The following NFYC variants were observed in gnomAD, a reference collection of about 807,000 sequenced individuals.
The protein encoded by NFYC is CAAT box DNA-binding protein subunit C.
Under a neutral mutation model 53.1 loss-of-function variants are expected in NFYC, and 25 were observed. The ratio of observed to expected loss-of-function variants is 0.47; its 90% CI spans 0.34 to 0.66. NFYC has a LOEUF of 0.66. NFYC is among the 30% of genes least tolerant of loss of function. The probability of loss-of-function intolerance (pLI) is 0.01; values close to 1 mark genes in which losing one functional copy is unlikely to be tolerated. For synonymous variants in NFYC, 145 were observed against 152.6 expected, an observed-to-expected ratio of 0.95 and a Z score of 0.37; for missense variants, 260 against 422.7, an observed-to-expected ratio of 0.62 and a Z score of 3.38.
At chr1:40,704,520 A>ATTAC (rs1049400624) in intron 1 of NFYC, among the ~76,000 whole-genome samples, 4 of 152,194 alleles carry the variant, frequency 2.6e-5, no homozygotes, top group African/African-American at 9.7e-5. Flanking sequence ...AGAAAGCTAT[A>ATTAC]GTAAGAGTGA....
At chr1:40,707,439 C>T (rs1477855234) in intron 1 of NFYC, among the ~76,000 whole-genome samples, 5 of 149,028 alleles carry the variant, frequency 3.4e-5, no homozygotes, top group African/African-American at 9.9e-5. Flanking sequence ...AAGATCACGC[C>T]GCTGCACTCC....
intron 1 of NFYC, among the ~76,000 whole-genome samples, chr1:40,694,242 C>T (rs1314858146): frequency 6.6e-6 from 1 of 152,236 alleles, no homozygotes; most frequent in Non-Finnish European, 1.5e-5. Context: ...AGGCCTAGTG[C>T]TTTCTTCAGA....
intron 8 of NFYC, chr1:40,769,091 G>A (rs1646961667): frequency 2.4e-6 from 1 of 409,498 alleles, no homozygotes; most frequent in East Asian, 5.0e-5. Context: ...GTGGTTGAGG[G>A]AGTAGGCATT....
intron 3 of NFYC, 38 bp downstream of exon 3, chr1:40,747,643 C>G (rs1290908063): frequency 7.4e-7 from 1 of 1,355,972 alleles, no homozygotes; most frequent in East Asian, 2.3e-5. Flanking sequence ...CTTATTGAAG[C>G]TAAGTGATGG....
At chr1:40,697,446 A>G (rs1643209546) in intron 1 of NFYC, among the ~76,000 whole-genome samples, 1 of 152,206 alleles carries the variant, frequency 6.6e-6, no homozygotes, top group African/African-American at 2.4e-5. Flanking sequence ...TTTTGAATGC[A>G]CAAAGTAGTA....
Position 40,749,612 on chromosome 1 carries a change from G to T in NFYC, c.217G>T (p.Ala73Ser). 1 of 1,614,150 alleles carries T rather than the reference G, an allele frequency of 6.2e-7. No individual in the cohort carries two copies. The highest frequency in any genetic ancestry group is 1.1e-5 in the South Asian group (1 of 91,082). ...AGCGCCTGTACTCTTTGCCAAGGCA[G>T]CCCAGATTTTTATCACAGAGTTGAC... is the stretch of plus-strand genomic sequence containing the variant. Reference protein sequence around the residue: ...AEAPVLFAKAAQIFITELTLR... With the variant: ...AEAPVLFAKASQIFITELTLR... Residue 73 changes from alanine (A) to serine (S), a missense_variant, in exon 4 of 10, where the codon GCC becomes TCC. Ala to Ser is a moderately conservative substitution (Grantham distance 99). Transcript: ENST00000447388.
At chr1:40,747,393 C>T (rs1645670531) in intron 2 of NFYC, 141 bp from the exon 3 acceptor site, 1 of 568,234 alleles carries the variant, frequency 1.8e-6, no homozygotes, top group South Asian at 2.6e-5. Flanking sequence ...CTTGTATTTT[C>T]TTCATTTCAT....
At position 40,763,663 on chromosome 1, in the gene NFYC, A is replaced by G. The variant is rs1242185990; in HGVS notation, c.720+617A>G. 3.3e-5 allele frequency among the ~76,000 whole-genome samples: 5 copies of G among 152,106 alleles called. No individual in the cohort carries two copies. In the East Asian group the frequency reaches 9.6e-4, roughly 29 times the overall value. On this transcript the variant is annotated intron_variant, in intron 7 of 9. Coordinates refer to ENST00000447388, the MANE Select transcript of NFYC (RefSeq NM_014223.5). ...CGCCCAGCCCTCAGTACTTATTTAT[A>G]TATATGCGTGTGTGTGTTTGTTTTG...
At chr1:40,699,884 C>T (rs533257457) in intron 1 of NFYC, among the ~76,000 whole-genome samples, 1 of 152,328 alleles carries the variant, frequency 6.6e-6, no homozygotes, top group South Asian at 2.1e-4. Context: ...CCTTTCTTTA[C>T]TGCAGAATTA....
intron 1 of NFYC, among the ~76,000 whole-genome samples, chr1:40,721,249 T>G (rs182672543): frequency 2.0e-5 from 3 of 152,232 alleles, no homozygotes; most frequent in Non-Finnish European, 4.4e-5. Flanking sequence ...TTATCAATGC[T>G]ATTGCAGAAG....
chr1:40,693,063 C>T (rs1642923644), intron 1 of NFYC, among the ~76,000 whole-genome samples: 1 of 152,086 alleles, frequency 6.6e-6, no homozygotes, highest in Non-Finnish European at 1.5e-5. Context: ...GGGAGCTAGC[C>T]AGAAATTTTC....
intron 1 of NFYC, among the ~76,000 whole-genome samples, chr1:40,694,993 C>G (rs570199834): frequency 6.6e-6 from 1 of 152,296 alleles, no homozygotes; most frequent in Admixed American, 6.5e-5. Flanking sequence ...TGGCTCACGC[C>G]TCTAATCCCA....
Position 40,747,542 on chromosome 1 carries a change from C to G in NFYC, c.114C>G (p.Phe38Leu). The change falls in exon 3 of 10, where the codon TTC (phenylalanine) becomes TTG (leucine). Residue 38 changes from phenylalanine to leucine, a missense_variant. Phe to Leu is a conservative substitution (Grantham distance 22). Coordinates refer to ENST00000447388, the MANE Select transcript of NFYC (RefSeq NM_014223.5). ...EEIRNLTVKD[F>L]RVQELPLARI... is the part of the protein sequence containing the mutation. ...CTTGTTGTTCATTTCAGAAAGACTTCCGAGTGCAGGAACTCCCACTGGCTC... is the reference window on the plus strand; with the variant it reads ...CTTGTTGTTCATTTCAGAAAGACTTGCGAGTGCAGGAACTCCCACTGGCTC... 1 of 1,612,676 alleles carries G rather than the reference C, an allele frequency of 6.2e-7. No homozygotes were observed. The highest frequency in any genetic ancestry group is 1.6e-4 in the Middle Eastern group (1 of 6,062).
At chr1:40,703,191 ACTT>A (rs1372996557) in intron 1 of NFYC, among the ~76,000 whole-genome samples, 1 of 152,048 alleles carries the variant, frequency 6.6e-6, no homozygotes, top group African/African-American at 2.4e-5. Flanking sequence ...TCTGTCTTTT[ACTT>A]CTTAAAGAAT....
At chr1:40,706,231 G>A (rs1459485909) in intron 1 of NFYC, among the ~76,000 whole-genome samples, 1 of 151,742 alleles carries the variant, frequency 6.6e-6, no homozygotes, top group Non-Finnish European at 1.5e-5. Context: ...GTATGGCTAG[G>A]GACCAGTTTT....
chr1:40,743,350 CCG>C (rs1335613594), intron 2 of NFYC, among the ~76,000 whole-genome samples: 1 of 152,186 alleles, frequency 6.6e-6, no homozygotes, highest in Non-Finnish European at 1.5e-5. Flanking sequence ...CCCTATATTC[CCG>C]CACAGCAGAG....
intron 1 of NFYC, among the ~76,000 whole-genome samples, chr1:40,720,629 G>A (rs1644293922): frequency 6.6e-6 from 1 of 152,184 alleles, no homozygotes; most frequent in Admixed American, 6.5e-5. Flanking sequence ...CACTTTGGCA[G>A]GCCAAAGTGA....
intron 1 of NFYC, 122 bp downstream of exon 1, chr1:40,691,989 G>A (rs912723018): frequency 3.4e-6 from 1 of 295,924 alleles, no homozygotes; most frequent in Non-Finnish European, 6.7e-6. Context: ...CTGTAGCTCG[G>A]TCCGTCCTGC....
chr1:40,691,710 G>C lies in NFYC; in HGVS notation c.-166G>C, dbSNP rs1261108125. The C allele has an allele frequency of 2.2e-6, 1 of 453,802 alleles. No individual in the cohort carries two copies. The highest frequency in any genetic ancestry group is 4.4e-6 in the Non-Finnish European group (1 of 225,732). The allele number at this position is 453,802 out of a possible 1,614,324, so 28.1% of individuals were successfully genotyped here. A position where few individuals can be genotyped will look rare whatever the true frequency, so the allele number is the denominator to read the frequency against. On this transcript the variant is annotated 5_prime_UTR_variant, in exon 1 of 10. Transcript: ENST00000447388. The stretch of plus-strand genomic sequence containing the variant: ...AGGGAAAAGGGGAAACGGTGCAAAC[G>C]GCGTGGCCGCCATCTTGCTTGTGCC...
Sources: gnomAD v4.1 joint callset for allele counts (sites outside exome capture counted in the v4.1 genomes callset) on GRCh38, gnomAD v4.1.1 for gene constraint, MANE v1.5 for transcripts, NCBI Gene and HGNC (gene_info 2026-07-23, HGNC 2026-07-21) for gene names.